RGS7: variants seen among roughly 807,000 people sequenced by gnomAD.
RGS7 encodes the protein regulator of G-protein signaling 7.
In RGS7, 27 loss-of-function variants were observed where a neutral mutation model predicts 81.1. The ratio of observed to expected loss-of-function variants is 0.33; its 90% confidence interval spans 0.25 to 0.46. The LOEUF is 0.46. RGS7 is among the 20% of genes least tolerant of loss of function. RGS7 has a pLI of 1.00. For missense variants in RGS7, 396 were observed against 607.4 expected (o/e 0.65, Z 3.66); for synonymous variants, 208 against 207.7 (o/e 1.00, Z -0.01).
At chr1:241,109,078 T>C (rs1447428165) in intron 2 of RGS7, among the ~76,000 whole-genome samples, 1 of 152,184 alleles carries the variant, frequency 6.6e-6, no homozygotes, top group Non-Finnish European at 1.5e-5. Context: ...ATCTCTTGTT[T>C]AAAACTTCCA....
chr1:240,785,493 C>T (rs968843122), intron 18 of RGS7, among the ~76,000 whole-genome samples: 1 of 152,184 alleles, frequency 6.6e-6, no homozygotes, highest in African/African-American at 2.4e-5. Flanking sequence ...TGATAACGGA[C>T]AGCTGTTAAA....
chr1:241,330,006 C>A (rs2081873084), intron 2 of RGS7, among the ~76,000 whole-genome samples: 1 of 152,024 alleles, frequency 6.6e-6, no homozygotes. Flanking sequence ...GTGGCGCAAT[C>A]TTGGCTCACT....
chr1:241,069,898 T>C (rs1010739755), intron 3 of RGS7, among the ~76,000 whole-genome samples: 3 of 152,228 alleles, frequency 2.0e-5, no homozygotes, highest in Admixed American at 6.5e-5. Flanking sequence ...CTGGGTACCT[T>C]ATTTGATCAT....
intron 5 of RGS7, among the ~76,000 whole-genome samples, chr1:240,933,247 G>GTATA (rs142248217): frequency 0.02 from 3,081 of 151,746 alleles, 85 homozygotes; most frequent in African/African-American, 0.065. Context: ...CTATATTTTG[G>GTATA]GGAGTATATA....
intron 5 of RGS7, among the ~76,000 whole-genome samples, chr1:240,933,765 G>A (rs1052754054): frequency 5.9e-5 from 9 of 152,070 alleles, no homozygotes; most frequent in African/African-American, 2.2e-4. Context: ...TCATGAAAGA[G>A]AGCTAAAGAA....
At chr1:241,122,937 G>A (rs1572783959) in intron 2 of RGS7, among the ~76,000 whole-genome samples, 3 of 152,178 alleles carry the variant, frequency 2.0e-5, no homozygotes, top group Admixed American at 1.3e-4. Context: ...AAAATCCTAA[G>A]TCGAACCACA....
chr1:241,259,667 A>AAAAAAAAATATATATAT, intron 2 of RGS7, among the ~76,000 whole-genome samples: 2 of 49,146 alleles, frequency 4.1e-5, no homozygotes, highest in African/African-American at 7.9e-5. Flanking sequence ...AAAAAAAAAA[A>AAAAAAAAATATATATAT]ATATATATAT....
intron 18 of RGS7, among the ~76,000 whole-genome samples, chr1:240,796,078 C>A (rs1687019869): frequency 6.6e-6 from 1 of 152,148 alleles, no homozygotes; most frequent in African/African-American, 2.4e-5. Context: ...TGAGCCACTG[C>A]ACCCGGCCTT....
At chr1:240,999,449 C>T (rs879209096) in intron 3 of RGS7, among the ~76,000 whole-genome samples, 2 of 152,050 alleles carry the variant, frequency 1.3e-5, no homozygotes, top group African/African-American at 4.8e-5. Context: ...TCAAAGATGT[C>T]CTGGGCCACA....
At chr1:240,837,281 C>T (rs749338589) in intron 9 of RGS7, among the ~76,000 whole-genome samples, 28 of 152,174 alleles carry the variant, frequency 1.8e-4, no homozygotes, top group Admixed American at 3.3e-4. Flanking sequence ...GCCTGCTGTG[C>T]GCACATGAGC....
intron 2 of RGS7, among the ~76,000 whole-genome samples, chr1:241,343,029 G>A (rs1022833171): frequency 6.6e-6 from 1 of 152,128 alleles, no homozygotes; most frequent in African/African-American, 2.4e-5. Context: ...TTCGGAGGCA[G>A]AGGCAGGAGG....
intron 3 of RGS7, among the ~76,000 whole-genome samples, chr1:241,071,874 C>CAAAAAATAAAAA (rs2062475038): frequency 1.8e-5 from 1 of 56,856 alleles, no homozygotes; most frequent in African/African-American, 8.7e-5. Flanking sequence ...GAGACCCTGT[C>CAAAAAATAAAAA]AAAAAAAAAA....
chr1:241,090,034 T>G (rs2063778618), intron 3 of RGS7, among the ~76,000 whole-genome samples: 1 of 151,280 alleles, frequency 6.6e-6, no homozygotes, highest in Non-Finnish European at 1.5e-5. Flanking sequence ...CAGGAAAACT[T>G]TTTTTCTTCC....
intron 2 of RGS7, among the ~76,000 whole-genome samples, chr1:241,137,629 G>A (rs1356995744): frequency 6.6e-6 from 1 of 152,208 alleles, no homozygotes; most frequent in African/African-American, 2.4e-5. Context: ...GATGCAGTAT[G>A]TGCTGGAGCT....
chr1:241,194,321 T>G (rs1005657760), intron 2 of RGS7, among the ~76,000 whole-genome samples: 2 of 152,214 alleles, frequency 1.3e-5, no homozygotes, highest in African/African-American at 2.4e-5. Context: ...TGGGCACCAA[T>G]GGACATTCAA....
chr1:241,228,963 G>A (rs2075485899), intron 2 of RGS7, among the ~76,000 whole-genome samples: 1 of 151,676 alleles, frequency 6.6e-6, no homozygotes, highest in Non-Finnish European at 1.5e-5. Flanking sequence ...TACATAAAAT[G>A]CTAATAGCAG....
intron 2 of RGS7, among the ~76,000 whole-genome samples, chr1:241,311,348 A>G (rs1224993106): frequency 6.6e-6 from 1 of 151,836 alleles, no homozygotes; most frequent in Non-Finnish European, 1.5e-5. Flanking sequence ...ACCTAATAAA[A>G]ACGGCAGCAC....
Position 241,109,784 on chromosome 1 carries a change from C to G in RGS7, c.79-11022G>C, listed in dbSNP as rs147582323. Among the ~76,000 whole-genome samples, 582 of 151,936 alleles carry G rather than the reference C, an allele frequency of 3.8e-3. 2 individuals carry two copies. The highest frequency in any genetic ancestry group is 7.1e-3 in the Admixed American group (108 of 15,238). ...ACCAGCCTGACGAACATGGTGAAAC[C>G]GTCTCTCTACTAAAAATACAAAAAT... On this transcript the variant is annotated intron_variant, in intron 2 of 18. Transcript: ENST00000440928.
At chr1:241,151,532 T>C (rs985398937) in intron 2 of RGS7, among the ~76,000 whole-genome samples, 1 of 151,352 alleles carries the variant, frequency 6.6e-6, no homozygotes, top group Non-Finnish European at 1.5e-5. Context: ...AGATAGGAGA[T>C]GTCAAGTGAA....
Sources: gnomAD v4.1 joint callset for allele counts (sites outside exome capture counted in the v4.1 genomes callset) on GRCh38, gnomAD v4.1.1 for gene constraint, MANE v1.5 for transcripts, NCBI Gene and HGNC (gene_info 2026-07-23, HGNC 2026-07-21) for gene names.